Variants in RELN observed in about 807,000 individuals in gnomAD.
RELN encodes reelin.
RELN carries 108 observed loss-of-function variants against 427.6 expected under a neutral mutation model. That is an observed-to-expected ratio of 0.25 (90% confidence interval 0.22 to 0.30). The LOEUF (loss-of-function observed/expected upper bound fraction) is 0.30. RELN is among the 10% of genes least tolerant of loss of function. The pLI is 1.00. For missense variants in RELN, 3,715 were observed against 4,302.8 expected (o/e 0.86, Z 3.82); for synonymous variants, 1,524 against 1,513.4 (o/e 1.01, Z -0.16).
At chr7:103,896,378 T>G (rs1794961090) in intron 2 of RELN, among the ~76,000 whole-genome samples, 1 of 152,050 alleles carries the variant, frequency 6.6e-6, no homozygotes, top group South Asian at 2.1e-4. Flanking sequence ...AGCAGCTGTA[T>G]GCATAATAAC....
At chr7:103,881,529 T>A (rs573343391) in intron 2 of RELN, among the ~76,000 whole-genome samples, 1 of 152,270 alleles carries the variant, frequency 6.6e-6, no homozygotes, top group African/African-American at 2.4e-5. Flanking sequence ...TTGACCTACT[T>A]CCAGTTCCCT....
chr7:103,608,744 A>G (rs1041406869), intron 22 of RELN, among the ~76,000 whole-genome samples: 2 of 152,142 alleles, frequency 1.3e-5, no homozygotes, highest in African/African-American at 4.8e-5. Context: ...TTCTGACTAT[A>G]CTAAAAATTC....
intron 1 of RELN, among the ~76,000 whole-genome samples, chr7:103,929,179 CA>C (rs55809649): frequency 0.25 from 37,450 of 151,924 alleles, 5,637 homozygotes; most frequent in Non-Finnish European, 0.34. Flanking sequence ...GTCTTTATTG[CA>C]GTACTTATCT....
In RELN at chr7:103,483,646, C is replaced by A; in HGVS notation, c.10181+7G>T. 1 of 1,613,902 alleles carries A rather than the reference C, an allele frequency of 6.2e-7. No individual in the cohort carries two copies. Among genetic ancestry groups the A allele is most frequent in the East Asian group, 2.2e-5 (1 of 44,878 alleles). ...TGAGACCATGCCTTTCCATTTGGGC[C>A]ACTTACAGGGGGACATTGTAAGACA... is the stretch of plus-strand genomic sequence containing the variant. On this transcript the variant is annotated splice_region_variant and intron_variant, in intron 62 of 64. Transcript: ENST00000428762.
chr7:103,630,404 A>G (rs1467496554), intron 19 of RELN, among the ~76,000 whole-genome samples: 1 of 152,186 alleles, frequency 6.6e-6, no homozygotes, highest in Non-Finnish European at 1.5e-5. Flanking sequence ...AAAAGCTCTC[A>G]ATAAACATGG....
At chr7:103,688,213 A>G (rs1833802322) in intron 10 of RELN, among the ~76,000 whole-genome samples, 2 of 152,130 alleles carry the variant, frequency 1.3e-5, no homozygotes, top group South Asian at 2.1e-4. Flanking sequence ...ATGAAAAAAG[A>G]CATGGGAACA....
At chr7:103,963,447 T>C (rs1796602199) in intron 1 of RELN, among the ~76,000 whole-genome samples, 1 of 152,222 alleles carries the variant, frequency 6.6e-6, no homozygotes, top group Non-Finnish European at 1.5e-5. Context: ...GGAGTCTTCA[T>C]AGACATTATC....
chr7:103,486,369 C>T lies in RELN; in HGVS notation c.9811G>A (p.Asp3271Asn). Residue 3271 changes from aspartate (D) to asparagine (N), a missense_variant, in exon 61 of 65, where the codon GAT (aspartate) becomes AAT (asparagine). Physicochemically the swap from Asp to Asn is conservative, Grantham distance 23. Coordinates refer to ENST00000428762, the MANE Select transcript of RELN (RefSeq NM_005045.4). ...GTGACTCTTGCGGACTCAAAATTATCTTTAATATAACTGGGAAGGTCGTGA... is the reference window on the plus strand; with the variant it reads ...GTGACTCTTGCGGACTCAAAATTATTTTTAATATAACTGGGAAGGTCGTGA... Reference protein sequence around the residue: ...FSHDLPSYIKDNFESARVTEA... With the variant: ...FSHDLPSYIKNNFESARVTEA... 1 of 1,614,116 alleles carries T rather than the reference C, an allele frequency of 6.2e-7. No individual in the cohort carries two copies. Among genetic ancestry groups the T allele is most frequent in the Non-Finnish European group, 8.5e-7 (1 of 1,180,000 alleles).
chr7:103,804,320 A>C (rs1792543804), intron 3 of RELN, among the ~76,000 whole-genome samples: 1 of 152,124 alleles, frequency 6.6e-6, no homozygotes, highest in South Asian at 2.1e-4. Flanking sequence ...TAAATCCCAA[A>C]TGTTGTCTGA....
intron 2 of RELN, among the ~76,000 whole-genome samples, chr7:103,863,574 T>A (rs931072209): frequency 8.5e-5 from 13 of 152,214 alleles, no homozygotes; most frequent in African/African-American, 2.4e-4. Context: ...CTTAACCACA[T>A]CTTCACAGGA....
intron 2 of RELN, among the ~76,000 whole-genome samples, chr7:103,868,640 G>A (rs1007144771): frequency 6.6e-6 from 1 of 152,040 alleles, no homozygotes; most frequent in Non-Finnish European, 1.5e-5. Context: ...GGTATGCTAT[G>A]GAACTCAGAG....
Position 103,654,280 on chromosome 7 carries a change from C to G in RELN, c.1442-75G>C, listed in dbSNP as rs1584380181. 6.1e-6 allele frequency: 5 copies of G among 819,094 alleles called. No homozygotes were observed. In the African/African-American group the frequency reaches 6.7e-5, roughly 11 times the overall value. The allele number at this position is 819,094 out of a possible 1,614,324, so 50.7% of individuals were successfully genotyped here. On this transcript the variant is annotated intron_variant, in intron 12 of 64. Transcript: ENST00000428762. ...ACATATCAAATATAGTGTTAAATTT[C>G]AGAATGAAAAATCATTATAGTACCC...
Position 103,620,788 on chromosome 7 carries a change from T to A in RELN, c.2703-8985A>T, listed in dbSNP as rs1224465013. ...CGCGCCTGGCCTAACCTGATCCACA[T>A]TTATACCACTTCTCATTAGGATTTG... On this transcript the variant is annotated intron_variant, in intron 20 of 64. Transcript: ENST00000428762. The surrounding 1 kb of genome is among the most constrained non-coding windows in gnomAD (Gnocchi z 4.1). Among the ~76,000 whole-genome samples, 3 of 152,076 alleles carry A rather than the reference T, an allele frequency of 2.0e-5. No homozygotes were observed. The highest frequency in any genetic ancestry group is 4.4e-5 in the Non-Finnish European group (3 of 67,976).
At chr7:103,859,099 G>C (rs571979591) in intron 2 of RELN, among the ~76,000 whole-genome samples, 1 of 152,116 alleles carries the variant, frequency 6.6e-6, no homozygotes, top group African/African-American at 2.4e-5. Context: ...AACAGGTCAG[G>C]TGACTGGGGA....
Position 103,573,042 on chromosome 7 carries a change from G to A in RELN, c.4512-782C>T, listed in dbSNP as rs1830919633. ...CAACCTCTGCCTCTTGGGCCCAAGC[G>A]ATCCTCCTGCCTCAGCCTCCTGAGT... is the stretch of plus-strand genomic sequence containing the variant. On this transcript the variant is annotated intron_variant, in intron 30 of 64. Coordinates refer to ENST00000428762, the MANE Select transcript of RELN (RefSeq NM_005045.4). This position sits in a 1 kb window ranked among gnomAD's most constrained non-coding sequence, Gnocchi z 4.4. Among the ~76,000 whole-genome samples, 3 of 151,648 alleles carry A rather than the reference G, an allele frequency of 2.0e-5. No homozygotes were observed. The highest frequency in any genetic ancestry group is 4.2e-4 in the South Asian group (2 of 4,804).
At chr7:103,698,180 A>G in intron 9 of RELN, 87 bp from the exon 10 acceptor site, 3 of 1,483,488 alleles carry the variant, frequency 2.0e-6, no homozygotes, top group South Asian at 2.3e-5. Context: ...TTGTAGTTTC[A>G]TGATCTCAAG....
rs752777284 is a variant in RELN, at chr7:103,566,224, C to T, written c.4936G>A (p.Gly1646Arg). ...DTALIFTENI[G>R]KPRYAETWDF... The stretch of plus-strand genomic sequence containing the variant: ...CCCTTTATCTGGTGACAATATATAC[C>T]TATGTTTTCAGTGAATATCAGAGCA... The change falls in exon 33 of 65, where the codon GGA (glycine) becomes AGA (arginine). Residue 1646 changes from glycine (G) to arginine (R), a missense_variant and splice_region_variant. By Grantham distance (125) the Gly-to-Arg change is moderately radical. Around this residue, in one of 4 missense-constraint regions of RELN, gnomAD observed 2,208 missense variants for 2,361.7 expected, o/e 0.93. Transcript: ENST00000428762. 1 of 1,609,698 alleles carries T rather than the reference C, an allele frequency of 6.2e-7. No individual in the cohort carries two copies. The highest frequency in any genetic ancestry group is 8.5e-7 in the Non-Finnish European group (1 of 1,176,122).
At chr7:103,636,793 A>T (rs1832593448) in intron 17 of RELN, among the ~76,000 whole-genome samples, 1 of 152,254 alleles carries the variant, frequency 6.6e-6, no homozygotes, top group African/African-American at 2.4e-5. Context: ...AATTTTATTC[A>T]TAACACTCAT....
Position 103,697,864 on chromosome 7 carries a change from C to A in RELN, c.1132G>T (p.Ala378Ser). 1.2e-6 allele frequency: 2 copies of A among 1,613,610 alleles called. No individual in the cohort carries two copies. Among genetic ancestry groups the A allele is most frequent in the Non-Finnish European group, 1.7e-6 (2 of 1,179,716 alleles). ...AAAAGAGCTCTAACCTTAACTGTAG[C>A]TCCTGGGAAGAAAAGCCAGTTGCCT... is the stretch of plus-strand genomic sequence containing the variant. ...DTGNWLFFPGATVKHSCQSDG... is the reference protein window; with the variant it reads ...DTGNWLFFPGSTVKHSCQSDG... Residue 378 changes from alanine (A) to serine (S), a missense_variant, in exon 10 of 65, where the codon GCT becomes TCT. Around this residue, in one of 4 missense-constraint regions of RELN, gnomAD observed 2,208 missense variants for 2,361.7 expected, o/e 0.93. Coordinates refer to ENST00000428762, the MANE Select transcript of RELN (RefSeq NM_005045.4).
Sources: gnomAD v4.1 joint callset for allele counts (sites outside exome capture counted in the v4.1 genomes callset) on GRCh38, gnomAD v4.1.1 for gene constraint, gnomAD v4.1.1 regional missense constraint, Gnocchi (gnomAD v3.1) non-coding constraint, MANE v1.5 for transcripts, NCBI Gene and HGNC (gene_info 2026-07-23, HGNC 2026-07-21) for gene names.